Variants in CNDP1 observed in about 807,000 individuals in gnomAD.
CNDP1 encodes carnosine dipeptidase 1, also known as beta-Ala-His dipeptidase.
Under a neutral mutation model 58.1 loss-of-function variants are expected in CNDP1, and 44 were observed. The observed-to-expected ratio is 0.76, with a 90% CI of 0.60 to 0.97. The LOEUF (loss-of-function observed/expected upper bound fraction) is 0.97, where lower values mean the gene tolerates loss of function less well. Among genes scored for constraint, CNDP1 ranks in the 50% least tolerant of loss-of-function variants. The probability of loss-of-function intolerance (pLI) is 0.00; values close to 1 mark genes in which losing one functional copy is unlikely to be tolerated. For synonymous variants in CNDP1, 254 were observed against 252.6 expected, an observed-to-expected ratio of 1.01 and a Z score of -0.05; for missense variants, 616 against 655.1, an observed-to-expected ratio of 0.94 and a Z score of 0.65.
At chr18:74,572,960 G>C (rs1981524129) in intron 7 of CNDP1, among the ~76,000 whole-genome samples, 2 of 152,132 alleles carry the variant, frequency 1.3e-5, no homozygotes, top group African/African-American at 4.8e-5. Context: ...GATGGCCCAG[G>C]TGTTGGGAGG....
chr18:74,570,644 G>C (rs1375908989), intron 6 of CNDP1, among the ~76,000 whole-genome samples: 1 of 152,198 alleles, frequency 6.6e-6, no homozygotes, highest in Non-Finnish European at 1.5e-5. Context: ...TATGTCAAGG[G>C]TGCCATATAC....
chr18:74,574,566 G>A (rs1981579336), intron 7 of CNDP1, among the ~76,000 whole-genome samples: 1 of 152,210 alleles, frequency 6.6e-6, no homozygotes, highest in Admixed American at 6.5e-5. Context: ...AGTTTTCAAA[G>A]GCACCTTCTG....
chr18:74,579,905 A>T (rs1981744832), intron 9 of CNDP1, among the ~76,000 whole-genome samples: 1 of 152,228 alleles, frequency 6.6e-6, no homozygotes, highest in Admixed American at 6.5e-5. Flanking sequence ...CTCTGGGTAC[A>T]GCTCAGGGTT....
At chr18:74,556,641 G>A (rs1300407229) in intron 2 of CNDP1, among the ~76,000 whole-genome samples, 175 bp downstream of exon 2, 2 of 152,194 alleles carry the variant, frequency 1.3e-5, no homozygotes, top group Non-Finnish European at 2.9e-5. Context: ...AGATGGACGA[G>A]ATCCCTCCTA....
chr18:74,577,187 C>G, intron 8 of CNDP1, 158 bp downstream of exon 8: 1 of 621,968 alleles, frequency 1.6e-6, no homozygotes. Flanking sequence ...CAGCCACTTC[C>G]CCGTGGGCTG....
At chr18:74,579,711 C>T (rs1363162142) in intron 9 of CNDP1, among the ~76,000 whole-genome samples, 4 of 152,138 alleles carry the variant, frequency 2.6e-5, no homozygotes, top group African/African-American at 7.2e-5. Flanking sequence ...TTAATGCTTC[C>T]AAATCATTCA....
At chr18:74,583,765 G>A in intron 11 of CNDP1, 57 bp downstream of exon 11, 4 of 1,549,364 alleles carry the variant, frequency 2.6e-6, no homozygotes, top group Non-Finnish European at 3.6e-6. Flanking sequence ...CACACACCCG[G>A]GTCTACACGT....
chr18:74,572,456 G>A (rs1054200264), intron 7 of CNDP1, among the ~76,000 whole-genome samples: 3 of 152,006 alleles, frequency 2.0e-5, no homozygotes, highest in African/African-American at 7.3e-5. Flanking sequence ...GCAACACCTC[G>A]CTGTGCTCCA....
In CNDP1 at chr18:74,567,004, A is replaced by T. The variant is rs1235757497; in HGVS notation, c.556-229A>T. The T allele has an allele frequency of 9.4e-6, 5 of 532,560 alleles. No homozygotes were observed. The African/African-American group carries it at 9.6e-5, about 10-fold the overall frequency. 33.0% of individuals were successfully genotyped at this position (532,560 alleles called of 1,614,324 possible). A position where few individuals can be genotyped will look rare whatever the true frequency, so the allele number is the denominator to read the frequency against. On this transcript the variant is annotated intron_variant, in intron 5 of 11. Coordinates refer to ENST00000358821, the MANE Select transcript of CNDP1 (RefSeq NM_032649.6). ...TTCTTAGGTGGTGGCAGCAAGAGAA[A>T]ATGCGGAAGAAGCAAACCCCTGATA... is the stretch of plus-strand genomic sequence containing the variant.
In CNDP1 at chr18:74,583,706, C is replaced by T; in HGVS notation, c.1455C>T (p.Asn485=). The change falls in exon 11 of 12, where the codon AAC becomes AAT. Residue 485 remains asparagine, a splice_region_variant and synonymous_variant. Transcript: ENST00000358821. ...AACATTCGCAGAATGAGAAAATCAACAGGTCAGCTGATGCCTGTGCAATGT... is the reference window on the plus strand; with the variant it reads ...AACATTCGCAGAATGAGAAAATCAATAGGTCAGCTGATGCCTGTGCAATGT... ...DGEHSQNEKI[N]RWNYIEGTKL... 1 of 1,614,136 alleles carries T rather than the reference C, an allele frequency of 6.2e-7. No individual in the cohort carries two copies. Among genetic ancestry groups the T allele is most frequent in the African/African-American group, 1.3e-5 (1 of 75,056 alleles).
intron 6 of CNDP1, among the ~76,000 whole-genome samples, chr18:74,570,540 A>G (rs1981453260): frequency 6.6e-6 from 1 of 152,210 alleles, no homozygotes; most frequent in Non-Finnish European, 1.5e-5. Context: ...TCCAGCTGGA[A>G]GCAGTCTTTA....
chr18:74,578,268 A>G lies in CNDP1; in HGVS notation c.1108A>G (p.Ile370Val), dbSNP rs776346073. Residue 370 changes from isoleucine (I) to valine (V), a missense_variant, in exon 9 of 12, where the codon ATA becomes GTA. Coordinates refer to ENST00000358821, the MANE Select transcript of CNDP1 (RefSeq NM_032649.6). The stretch of plus-strand genomic sequence containing the variant: ...TAAAACAGTCATACCTGGCCGAGTT[A>G]TAGGAAAATTTTCAATCCGTCTAGT... ...GTKTVIPGRV[I>V]GKFSIRLVPH... The G allele has an allele frequency of 6.2e-7, 1 of 1,614,116 alleles. No individual in the cohort carries two copies. Among genetic ancestry groups the G allele is most frequent in the Non-Finnish European group, 8.5e-7 (1 of 1,180,008 alleles).
Position 74,580,406 on chromosome 18 carries a change from T to A in CNDP1, c.1309+135T>A, listed in dbSNP as rs1320259531. 3 of 863,562 alleles carry A rather than the reference T, an allele frequency of 3.5e-6. No homozygotes were observed. In the East Asian group the frequency reaches 7.8e-5, roughly 22 times the overall value. 53.5% of individuals were successfully genotyped at this position (863,562 alleles called of 1,614,324 possible). ...TTTTAATACAGAGCACATTGTTGAA[T>A]GCATGCCATGTGCAGGGCACGCTAT... On this transcript the variant is annotated intron_variant, in intron 10 of 11. Coordinates refer to ENST00000358821, the MANE Select transcript of CNDP1 (RefSeq NM_032649.6).
intron 1 of CNDP1, among the ~76,000 whole-genome samples, chr18:74,554,526 TGGG>T (rs577383099): frequency 2.1e-3 from 320 of 152,310 alleles, no homozygotes; most frequent in African/African-American, 7.5e-3. Flanking sequence ...TGCAATGTGT[TGGG>T]GGGCTCGTCA....
At chr18:74,561,996 C>A in intron 4 of CNDP1, 51 bp from the exon 5 acceptor site, 1 of 1,494,316 alleles carries the variant, frequency 6.7e-7, no homozygotes, top group Non-Finnish European at 9.3e-7. Flanking sequence ...TTTTAACTCA[C>A]ATGGCAGAGG....
chr18:74,539,185 A>G (rs1338565710), intron 1 of CNDP1, among the ~76,000 whole-genome samples: 1 of 151,286 alleles, frequency 6.6e-6, no homozygotes, highest in Non-Finnish European at 1.5e-5. Context: ...TCTCAAAAAA[A>G]AAAAAGCCTT....
intron 1 of CNDP1, among the ~76,000 whole-genome samples, chr18:74,542,104 T>C (rs1980640534): frequency 6.6e-6 from 1 of 152,180 alleles, no homozygotes; most frequent in Non-Finnish European, 1.5e-5. Flanking sequence ...CATGTTTCAG[T>C]TTCACAGTTT....
chr18:74,582,277 C>G (rs1240561459), intron 10 of CNDP1, among the ~76,000 whole-genome samples: 1 of 152,198 alleles, frequency 6.6e-6, no homozygotes, highest in Non-Finnish European at 1.5e-5. Context: ...CCACATCTTT[C>G]TTTGTGAATA....
chr18:74,582,486 A>C (rs903791716), intron 10 of CNDP1, among the ~76,000 whole-genome samples: 1 of 152,250 alleles, frequency 6.6e-6, no homozygotes, highest in Admixed American at 6.5e-5. Context: ...AGCTATTGGC[A>C]TATCTGTCAC....
Sources: allele counts gnomAD v4.1 joint callset (sites outside exome capture counted in the v4.1 genomes callset), GRCh38; gene constraint gnomAD v4.1.1; transcripts MANE v1.5; gene names NCBI Gene and HGNC (gene_info 2026-07-23, HGNC 2026-07-21).